The following RNGTT variants were observed in gnomAD, a reference collection of about 807,000 sequenced individuals.
RNGTT encodes mRNA-capping enzyme.
RNGTT carries 33 observed loss-of-function variants against 79.3 expected under a neutral mutation model. The ratio of observed to expected loss-of-function variants is 0.42; its 90% CI spans 0.32 to 0.56. The LOEUF (loss-of-function observed/expected upper bound fraction) is 0.56, where lower values mean the gene tolerates loss of function less well. RNGTT is among the 20% of genes least tolerant of loss of function. The probability of loss-of-function intolerance (pLI) is 0.17; values close to 1 mark genes in which losing one functional copy is unlikely to be tolerated. For synonymous variants in RNGTT, 222 were observed against 235.9 expected, an observed-to-expected ratio of 0.94 and a Z score of 0.54; for missense variants, 497 against 739.1, an observed-to-expected ratio of 0.67 and a Z score of 3.80.
At chr6:88,679,247 G>A (rs1402339838) in intron 13 of RNGTT, among the ~76,000 whole-genome samples, 1 of 152,198 alleles carries the variant, frequency 6.6e-6, no homozygotes, top group Non-Finnish European at 1.5e-5. Context: ...CCATTGGAAA[G>A]TAGCGGAATA....
chr6:88,690,573 A>G (rs1775442734), intron 13 of RNGTT, among the ~76,000 whole-genome samples: 1 of 151,880 alleles, frequency 6.6e-6, no homozygotes, highest in African/African-American at 2.4e-5. Flanking sequence ...TTAGTCAGGT[A>G]TGGTGGCACG....
chr6:88,645,919 T>A (rs1342978291), intron 14 of RNGTT, among the ~76,000 whole-genome samples: 2 of 152,178 alleles, frequency 1.3e-5, no homozygotes, highest in Non-Finnish European at 1.5e-5. Context: ...AACCTAGGCA[T>A]TGCCATTCAG....
At chr6:88,858,085 T>C (rs1781895847) in intron 8 of RNGTT, among the ~76,000 whole-genome samples, 1 of 152,166 alleles carries the variant, frequency 6.6e-6, no homozygotes, top group Admixed American at 6.6e-5. Flanking sequence ...TCTTCTGTCA[T>C]ACAGCCTCCA....
chr6:88,684,885 C>T (rs1775220534), intron 13 of RNGTT, among the ~76,000 whole-genome samples: 1 of 152,096 alleles, frequency 6.6e-6, no homozygotes, highest in Non-Finnish European at 1.5e-5. Flanking sequence ...GGGCAGGTAG[C>T]ATATGAGAAC....
chr6:88,877,927 T>C (rs2127925351), intron 8 of RNGTT, among the ~76,000 whole-genome samples: 1 of 152,244 alleles, frequency 6.6e-6, no homozygotes, highest in East Asian at 1.9e-4. Context: ...CTGGGGTCTT[T>C]AAATGACGAG....
intron 14 of RNGTT, among the ~76,000 whole-genome samples, chr6:88,677,835 T>A (rs1774933406): frequency 6.6e-6 from 1 of 152,118 alleles, no homozygotes; most frequent in Non-Finnish European, 1.5e-5. Flanking sequence ...CTAAATGTAC[T>A]CTTCTAAATG....
At chr6:88,675,103 A>G (rs1424307862) in intron 14 of RNGTT, among the ~76,000 whole-genome samples, 1 of 82,642 alleles carries the variant, frequency 1.2e-5, no homozygotes, top group Non-Finnish European at 2.0e-5. Flanking sequence ...GTCTCAGAAG[A>G]AAAAAAAAAA....
intron 10 of RNGTT, among the ~76,000 whole-genome samples, chr6:88,844,863 G>C (rs1001085486): frequency 1.2e-4 from 18 of 151,994 alleles, no homozygotes; most frequent in Non-Finnish European, 2.6e-4. Flanking sequence ...TGAGGCAGGA[G>C]GATCACATGA....
chr6:88,795,125 A>C (rs1201385866), intron 12 of RNGTT, among the ~76,000 whole-genome samples: 1 of 152,202 alleles, frequency 6.6e-6, no homozygotes, highest in African/African-American at 2.4e-5. Flanking sequence ...TATTTAATGC[A>C]AATATGTATG....
At position 88,660,435 on chromosome 6, in the gene RNGTT, CAAAT is replaced by C. The variant is rs533747666; in HGVS notation, c.1506+17914_1506+17917del. Reference sequence around the variant, plus strand: ...GAGACTCAACTAACACATAAGGACTCAAATAAACTCCAGGTAAAGAGGTGAAAAA... The same window carrying C: ...GAGACTCAACTAACACATAAGGACTCAAACTCCAGGTAAAGAGGTGAAAAA... On this transcript the variant is annotated intron_variant, in intron 14 of 15. Coordinates refer to ENST00000369485, the MANE Select transcript of RNGTT (RefSeq NM_003800.5). Among the ~76,000 whole-genome samples, 8 of 151,840 alleles carry C rather than the reference CAAAT, an allele frequency of 5.3e-5. No homozygotes were observed. In the East Asian group the frequency reaches 1.5e-3, roughly 29 times the overall value.
chr6:88,693,353 A>C (rs1775550053), intron 13 of RNGTT, among the ~76,000 whole-genome samples: 1 of 152,160 alleles, frequency 6.6e-6, no homozygotes, highest in African/African-American at 2.4e-5. Flanking sequence ...TATGCCAATA[A>C]ATTAGATAAT....
intron 11 of RNGTT, among the ~76,000 whole-genome samples, chr6:88,836,821 GA>G (rs1421805917): frequency 6.6e-6 from 1 of 151,740 alleles, no homozygotes; most frequent in African/African-American, 2.4e-5. Context: ...CATGGGAGGA[GA>G]AAAAAATTAA....
intron 11 of RNGTT, among the ~76,000 whole-genome samples, chr6:88,828,207 C>A (rs1362794740): frequency 6.6e-6 from 1 of 152,134 alleles, no homozygotes; most frequent in African/African-American, 2.4e-5. Flanking sequence ...AGGCAGAAAT[C>A]TTTGCTGTTC....
intron 12 of RNGTT, among the ~76,000 whole-genome samples, chr6:88,797,015 T>C (rs1301035444): frequency 6.6e-6 from 1 of 152,204 alleles, no homozygotes; most frequent in African/African-American, 2.4e-5. Context: ...TGATTTAATA[T>C]TGCAAACACA....
chr6:88,700,889 T>C (rs1775922486), intron 13 of RNGTT, among the ~76,000 whole-genome samples: 1 of 152,160 alleles, frequency 6.6e-6, no homozygotes, highest in South Asian at 2.1e-4. Flanking sequence ...TTTAAATTAG[T>C]TGCATGCATT....
At chr6:88,801,534 G>A (rs766939268) in intron 12 of RNGTT, 30 bp downstream of exon 12, 20 of 1,522,010 alleles carry the variant, frequency 1.3e-5, no homozygotes, top group African/African-American at 4.2e-5. Context: ...ACACACAAAC[G>A]AACACACACA....
intron 4 of RNGTT, among the ~76,000 whole-genome samples, chr6:88,909,039 G>A (rs965098528): frequency 1.3e-5 from 2 of 152,180 alleles, no homozygotes; most frequent in Non-Finnish European, 2.9e-5. Flanking sequence ...CTGAGCTTGG[G>A]CAGGAAAGGA....
Position 88,963,493 on chromosome 6 carries a change from G to A in RNGTT, c.-84C>T, listed in dbSNP as rs553064825. 9.5e-5 allele frequency: 127 copies of A among 1,341,546 alleles called. No individual in the cohort carries two copies. Among genetic ancestry groups the A allele is most frequent in the Non-Finnish European group, 1.2e-4 (125 of 1,001,594 alleles). 83.1% of individuals were successfully genotyped at this position (1,341,546 alleles called of 1,614,324 possible). ...GCCTCCCCGTGGTCCGGTGCACACCGGGGTCCGAGACACCCGAATCGCAGC... is the reference window on the plus strand; with the variant it reads ...GCCTCCCCGTGGTCCGGTGCACACCAGGGTCCGAGACACCCGAATCGCAGC... On this transcript the variant is annotated 5_prime_UTR_variant, in exon 1 of 16. Coordinates refer to ENST00000369485, the MANE Select transcript of RNGTT (RefSeq NM_003800.5).
intron 6 of RNGTT, among the ~76,000 whole-genome samples, chr6:88,892,135 C>T (rs1229554190): frequency 6.6e-6 from 1 of 151,998 alleles, no homozygotes; most frequent in Non-Finnish European, 1.5e-5. Flanking sequence ...CGTATGTACT[C>T]TATAGGCACT....
Sources: allele counts gnomAD v4.1 joint callset (sites outside exome capture counted in the v4.1 genomes callset), GRCh38; gene constraint gnomAD v4.1.1; transcripts MANE v1.5; gene names NCBI Gene and HGNC (gene_info 2026-07-23, HGNC 2026-07-21).